The following EYS variants were observed in gnomAD, a reference collection of about 807,000 sequenced individuals.
EYS encodes the protein EGF-like photoreceptor maintenance factor.
In EYS, 250 loss-of-function variants were observed where a neutral mutation model predicts 282.1. That is an observed-to-expected ratio of 0.89 (90% confidence interval 0.80 to 0.98). EYS has a LOEUF of 0.98. Among genes scored for constraint, EYS ranks in the 50% least tolerant of loss-of-function variants. The pLI is 0.00. For missense variants in EYS, 4,016 were observed against 3,709.0 expected (o/e 1.08, Z -2.15); for synonymous variants, 1,355 against 1,282.9 (o/e 1.06, Z -1.20).
chr6:65,211,176 AG>A (rs574396574), intron 12 of EYS, among the ~76,000 whole-genome samples: 24 of 152,194 alleles, frequency 1.6e-4, no homozygotes, highest in Admixed American at 1.3e-3. Context: ...GAAGTATTGG[AG>A]TTACAGGAAC....
At chr6:64,242,088 G>A (rs1449330258) in intron 30 of EYS, among the ~76,000 whole-genome samples, 8 of 152,050 alleles carry the variant, frequency 5.3e-5, no homozygotes, top group East Asian at 1.9e-4. Context: ...TTCCAATTAC[G>A]TGGTCAATTT....
chr6:64,590,686 T>G lies in EYS; in HGVS notation c.5181A>C (p.Lys1727Asn), dbSNP rs1304618880. The change falls in exon 26 of 43, where the codon AAA becomes AAC. Residue 1727 changes from lysine to asparagine, a missense_variant. Lys to Asn is a moderately conservative substitution (Grantham distance 94). Transcript: ENST00000503581. ...TGAACAGTGTATGAGATCCTTTACT[T>G]TTTTCCATGTCCAATAAGCTCTCTT... The part of the protein sequence containing the change: ...LNQESLLDME[K>N]SKGSHTLFKL... The G allele has an allele frequency of 1.3e-6, 2 of 1,551,156 alleles. No individual in the cohort carries two copies. The highest frequency in any genetic ancestry group is 1.7e-6 in the Non-Finnish European group (2 of 1,146,708).
chr6:64,241,805 T>C (rs989790957), intron 30 of EYS, among the ~76,000 whole-genome samples: 6 of 152,052 alleles, frequency 3.9e-5, no homozygotes, highest in African/African-American at 1.4e-4. Context: ...ATTTTAGATC[T>C]TTCCTGCTTT....
chr6:65,472,530 CA>C (rs1765253383), intron 5 of EYS, among the ~76,000 whole-genome samples: 1 of 151,956 alleles, frequency 6.6e-6, no homozygotes, highest in Admixed American at 6.6e-5. Flanking sequence ...ATTTCCTGAA[CA>C]ACTCTTCATT....
At chr6:64,037,242 T>A (rs1770165543) in intron 33 of EYS, among the ~76,000 whole-genome samples, 1 of 152,224 alleles carries the variant, frequency 6.6e-6, no homozygotes. Context: ...AAAACGGTCC[T>A]ATTAACTTTT....
At chr6:65,705,749 C>T (rs1301492234) in intron 1 of EYS, among the ~76,000 whole-genome samples, 1 of 151,948 alleles carries the variant, frequency 6.6e-6, no homozygotes, top group East Asian at 1.9e-4. Flanking sequence ...ATATCAATGC[C>T]CTTTTCCTTT....
intron 12 of EYS, among the ~76,000 whole-genome samples, chr6:65,218,821 G>A (rs1334331751): frequency 6.6e-6 from 1 of 151,984 alleles, no homozygotes; most frequent in South Asian, 2.1e-4. Flanking sequence ...AATTAAAGAG[G>A]AATAAGGAGT....
intron 22 of EYS, among the ~76,000 whole-genome samples, chr6:64,785,708 T>G (rs1016236924): frequency 6.6e-6 from 1 of 152,196 alleles, no homozygotes; most frequent in African/African-American, 2.4e-5. Context: ...AAACCAAGCT[T>G]ATTTATTCAA....
chr6:64,612,856 G>C (rs1336186593), intron 24 of EYS, among the ~76,000 whole-genome samples: 1 of 151,924 alleles, frequency 6.6e-6, no homozygotes, highest in African/African-American at 2.4e-5. Context: ...AACTTTTAAA[G>C]TAGCTTAAAT....
At chr6:64,649,185 G>A (rs1311818909) in intron 22 of EYS, among the ~76,000 whole-genome samples, 1 of 152,066 alleles carries the variant, frequency 6.6e-6, no homozygotes, top group East Asian at 1.9e-4. Flanking sequence ...AATGAAAAAA[G>A]ACACTTTACC....
At chr6:64,075,706 A>G (rs943529208) in intron 32 of EYS, among the ~76,000 whole-genome samples, 5 of 151,944 alleles carry the variant, frequency 3.3e-5, no homozygotes, top group Non-Finnish European at 7.4e-5. Context: ...TCCCTAGACA[A>G]GGTACAAGAG....
intron 11 of EYS, among the ~76,000 whole-genome samples, chr6:65,326,615 G>A (rs1446328111): frequency 2.0e-5 from 3 of 150,878 alleles, no homozygotes; most frequent in Admixed American, 2.0e-4. Flanking sequence ...TGTTTTATAT[G>A]AGACCATATA....
chr6:65,371,739 CTCTG>C (rs1248274274), intron 8 of EYS, among the ~76,000 whole-genome samples: 7 of 51,712 alleles, frequency 1.4e-4, no homozygotes, highest in East Asian at 1.8e-3. Flanking sequence ...CTCTCTCTCT[CTCTG>C]TGTGTGTGTG....
intron 12 of EYS, among the ~76,000 whole-genome samples, chr6:65,145,697 C>T (rs1268528538): frequency 6.6e-6 from 1 of 151,996 alleles, no homozygotes; most frequent in African/African-American, 2.4e-5. Flanking sequence ...GGTATTTATT[C>T]AGTAATACAC....
intron 2 of EYS, among the ~76,000 whole-genome samples, chr6:65,602,678 G>A (rs746815288): frequency 4.6e-5 from 7 of 151,948 alleles, no homozygotes; most frequent in African/African-American, 7.2e-5. Flanking sequence ...GACATTTGCA[G>A]TTTGTGGTTA....
intron 5 of EYS, 184 bp downstream of exon 5, chr6:65,490,410 G>A (rs1420516127): frequency 3.9e-6 from 2 of 508,924 alleles, no homozygotes; most frequent in African/African-American, 1.9e-5. Flanking sequence ...ACATTTAGCA[G>A]TAATATGATT....
chr6:65,464,571 T>C (rs183601072), intron 5 of EYS, among the ~76,000 whole-genome samples: 1 of 152,224 alleles, frequency 6.6e-6, no homozygotes, highest in Admixed American at 6.6e-5. Flanking sequence ...TAAAAGAAAG[T>C]AAAAAGTTTC....
chr6:65,027,868 T>G (rs912904749), intron 13 of EYS, among the ~76,000 whole-genome samples: 3 of 152,198 alleles, frequency 2.0e-5, no homozygotes, highest in Non-Finnish European at 4.4e-5. Flanking sequence ...TATGTATAAA[T>G]GTACCCTATA....
At chr6:65,161,375 A>T (rs1764846374) in intron 12 of EYS, among the ~76,000 whole-genome samples, 1 of 150,834 alleles carries the variant, frequency 6.6e-6, no homozygotes, top group Admixed American at 6.6e-5. Flanking sequence ...CTCTTTTTTG[A>T]TATTCCCATA....
Sources: gnomAD v4.1 joint callset for allele counts (sites outside exome capture counted in the v4.1 genomes callset) on GRCh38, gnomAD v4.1.1 for gene constraint, MANE v1.5 for transcripts, NCBI Gene and HGNC (gene_info 2026-07-23, HGNC 2026-07-21) for gene names.